The following ANKIB1 variants were observed in gnomAD, a reference collection of about 807,000 sequenced individuals.
ANKIB1 encodes the protein ankyrin repeat and IBR domain-containing protein 1.
ANKIB1 carries 43 observed loss-of-function variants against 122.1 expected under a neutral mutation model. The ratio of observed to expected loss-of-function variants is 0.35; its 90% CI spans 0.28 to 0.45. ANKIB1 has a LOEUF of 0.45. ANKIB1 is among the 20% of genes least tolerant of loss of function. The probability of loss-of-function intolerance (pLI) is 1.00; values close to 1 mark genes in which losing one functional copy is unlikely to be tolerated. For missense variants in ANKIB1, 992 were observed against 1,329.5 expected (o/e 0.75, Z 3.95); for synonymous variants, 390 against 442.0 (o/e 0.88, Z 1.48).
chr7:92,321,153 A>G (rs1216741068), intron 4 of ANKIB1, among the ~76,000 whole-genome samples: 4 of 151,946 alleles, frequency 2.6e-5, no homozygotes, highest in Non-Finnish European at 4.4e-5. Context: ...TAATAATTGT[A>G]TACATTTGGG....
At chr7:92,349,560 G>T (rs570474034) in intron 7 of ANKIB1, among the ~76,000 whole-genome samples, 1 of 152,136 alleles carries the variant, frequency 6.6e-6, no homozygotes, top group South Asian at 2.1e-4. Flanking sequence ...TAATTGCCTG[G>T]TTTTCCATTT....
chr7:92,294,172 C>T (rs1408217131), intron 1 of ANKIB1, among the ~76,000 whole-genome samples: 1 of 152,140 alleles, frequency 6.6e-6, no homozygotes, highest in Non-Finnish European at 1.5e-5. Context: ...AATCACATTG[C>T]CCATGTGATG....
chr7:92,366,012 G>T (rs567998248), intron 10 of ANKIB1, among the ~76,000 whole-genome samples: 16 of 151,680 alleles, frequency 1.1e-4, no homozygotes, highest in Non-Finnish European at 2.1e-4. Context: ...AGCCAGGATG[G>T]TCTTGATCTG....
At chr7:92,336,118 C>G (rs1803282090) in intron 5 of ANKIB1, among the ~76,000 whole-genome samples, 1 of 151,982 alleles carries the variant, frequency 6.6e-6, no homozygotes, top group East Asian at 1.9e-4. Context: ...TATCACAATG[C>G]AGTGTCATAA....
intron 5 of ANKIB1, among the ~76,000 whole-genome samples, chr7:92,331,155 C>T (rs973113221): frequency 4.6e-5 from 7 of 152,038 alleles, no homozygotes; most frequent in South Asian, 2.1e-4. Flanking sequence ...ATACAGTAAA[C>T]GTTTCTTAAT....
At chr7:92,359,479 C>T (rs1803894200) in intron 9 of ANKIB1, among the ~76,000 whole-genome samples, 2 of 152,226 alleles carry the variant, frequency 1.3e-5, no homozygotes, top group Non-Finnish European at 2.9e-5. Flanking sequence ...CATTCGTGGA[C>T]TTTTGGGTTG....
chr7:92,270,728 GTTTT>G (rs397889266), intron 1 of ANKIB1, among the ~76,000 whole-genome samples: 49 of 81,992 alleles, frequency 6.0e-4, no homozygotes, highest in African/African-American at 2.2e-3. Context: ...CATCGCTATA[GTTTT>G]TTTTTTTTTT....
rs1430955961 is a variant in ANKIB1 at position 92,396,317 on chromosome 7, T to TTAAAA, written c.2284-47_2284-43dup. 3.5e-5 allele frequency: 37 copies of TTAAAA among 1,064,260 alleles called. No individual in the cohort carries two copies. In the Middle Eastern group the frequency reaches 6.0e-4, roughly 17 times the overall value. 65.9% of individuals were successfully genotyped at this position (1,064,260 alleles called of 1,614,324 possible). A position where few individuals can be genotyped will look rare whatever the true frequency, so the allele number is the denominator to read the frequency against. On this transcript the variant is annotated intron_variant, in intron 17 of 19. Coordinates refer to ENST00000265742, the MANE Select transcript of ANKIB1 (RefSeq NM_019004.2). ...GTGTGTACTTTGTTTTATTTGCATT[T>TTAAAA]TAAAAATTGCATGCTCTCTTGTATT...
In ANKIB1 at chr7:92,313,295, G is replaced by A. The variant is rs530637671; in HGVS notation, c.486+5639G>A. Among the ~76,000 whole-genome samples, 4 of 152,202 alleles carry A rather than the reference G, an allele frequency of 2.6e-5. No homozygotes were observed. The South Asian group carries it at 8.3e-4, about 32-fold the overall frequency. ...GCTACAGGGCCTATTTGACACTTTG[G>A]CAGCTATGGGAGCGTTTCACACTTC... On this transcript the variant is annotated intron_variant, in intron 3 of 19. Transcript: ENST00000265742.
At chr7:92,324,987 A>G (rs977128972) in intron 4 of ANKIB1, among the ~76,000 whole-genome samples, 5 of 152,232 alleles carry the variant, frequency 3.3e-5, no homozygotes, top group Admixed American at 6.5e-5. Flanking sequence ...GTAATTTTGG[A>G]GAGTGGGAAC....
Position 92,351,021 on chromosome 7 carries a change from T to C in ANKIB1, c.1157T>C (p.Leu386Pro). ...TGCCCTGCATATGATTGCTTCCAAC[T>C]TGTACCTGTGGATATCATAGAAAGT... ...IFCPAYDCFQ[L>P]VPVDIIESVV... Residue 386 changes from leucine (L) to proline (P), a missense_variant, in exon 8 of 20, where the codon CTT becomes CCT. Leu to Pro is a moderately conservative substitution (Grantham distance 98, BLOSUM62 -3). Coordinates refer to ENST00000265742, the MANE Select transcript of ANKIB1 (RefSeq NM_019004.2). 6.2e-7 allele frequency: 1 copy of C among 1,603,982 alleles called. No individual in the cohort carries two copies. The highest frequency in any genetic ancestry group is 8.5e-7 in the Non-Finnish European group (1 of 1,174,746).
intron 2 of ANKIB1, among the ~76,000 whole-genome samples, chr7:92,305,877 A>G (rs1802547996): frequency 6.6e-6 from 1 of 152,184 alleles, no homozygotes; most frequent in Admixed American, 6.5e-5. Flanking sequence ...TGCCCGTGAG[A>G]TATGTATTTA....
chr7:92,383,652 T>C (rs1804569882), intron 11 of ANKIB1, among the ~76,000 whole-genome samples: 1 of 152,150 alleles, frequency 6.6e-6, no homozygotes. Flanking sequence ...CATGATCATC[T>C]CAATAGATGC....
intron 11 of ANKIB1, among the ~76,000 whole-genome samples, chr7:92,376,727 G>A (rs182184293): frequency 7.3e-4 from 111 of 152,128 alleles, no homozygotes; most frequent in African/African-American, 2.3e-3. Context: ...AGGATTACAG[G>A]CGTGAGCCAC....
At chr7:92,262,326 A>G (rs374247172) in intron 1 of ANKIB1, among the ~76,000 whole-genome samples, 46 of 152,346 alleles carry the variant, frequency 3.0e-4, no homozygotes, top group African/African-American at 1.0e-3. Flanking sequence ...ATGCATAGTA[A>G]TAGGGGCTTT....
Position 92,398,212 on chromosome 7 carries a change from G to C in ANKIB1, c.2533G>C (p.Ala845Pro). The C allele has an allele frequency of 6.4e-7, 1 of 1,571,880 alleles. No individual in the cohort carries two copies. The highest frequency in any genetic ancestry group is 8.6e-7 in the Non-Finnish European group (1 of 1,161,594). ...SRSENQDSLQALSSLDEDDPN... is the reference protein window; with the variant it reads ...SRSENQDSLQPLSSLDEDDPN... ...GTGGTTTTGCTTTCTGTTGCTTCAG[G>C]CTCTGAGTTCCTTGGATGAAGACGA... Residue 845 changes from alanine to proline, a missense_variant and splice_region_variant, in exon 20 of 20, where the codon GCT becomes CCT. Transcript: ENST00000265742.
chr7:92,338,929 AAAAAATATATATATAT>A (rs1289828534), intron 5 of ANKIB1, among the ~76,000 whole-genome samples: 742 of 36,772 alleles, frequency 0.02, 32 homozygotes, highest in African/African-American at 0.067. Context: ...AAAAAAAAAA[AAAAAATATATATATAT>A]ATATATATAT....
At chr7:92,265,314 T>C (rs1801649648) in intron 1 of ANKIB1, among the ~76,000 whole-genome samples, 1 of 152,058 alleles carries the variant, frequency 6.6e-6, no homozygotes, top group Non-Finnish European at 1.5e-5. Flanking sequence ...GATGAGAAGA[T>C]GTTAAAGCCT....
chr7:92,290,553 C>T (rs1390064201), intron 1 of ANKIB1, among the ~76,000 whole-genome samples: 1 of 151,930 alleles, frequency 6.6e-6, no homozygotes, highest in East Asian at 1.9e-4. Context: ...GACCTATATC[C>T]AGTTAAAATG....
Sources: allele counts gnomAD v4.1 joint callset (sites outside exome capture counted in the v4.1 genomes callset), GRCh38; gene constraint gnomAD v4.1.1; transcripts MANE v1.5; gene names NCBI Gene and HGNC (gene_info 2026-07-23, HGNC 2026-07-21).